Variants in NKAIN3 observed in about 807,000 individuals in gnomAD.
The protein encoded by NKAIN3 is sodium/potassium-transporting ATPase subunit beta-1-interacting protein 3.
A neutral mutation model predicts 30.2 loss-of-function variants in NKAIN3; 25 were observed. The observed-to-expected ratio is 0.83, with a 90% CI of 0.60 to 1.16. The LOEUF (loss-of-function observed/expected upper bound fraction) is 1.16. Ranked by LOEUF, NKAIN3 falls within the 50% of genes most tolerant of loss-of-function variation. The probability of loss-of-function intolerance (pLI) is 0.00; values close to 1 mark genes in which losing one functional copy is unlikely to be tolerated. For missense variants in NKAIN3, 225 were observed against 254.1 expected (o/e 0.89, Z 0.78); for synonymous variants, 91 against 89.6 (o/e 1.02, Z -0.09).
chr8:62,623,260 C>A (rs1811676138), intron 3 of NKAIN3, among the ~76,000 whole-genome samples: 1 of 151,922 alleles, frequency 6.6e-6, no homozygotes. Flanking sequence ...GGTCTTTGAC[C>A]AACCAAGGAA....
At position 62,973,916 on chromosome 8, in the gene NKAIN3, T is replaced by C. The variant is rs1276734924; in HGVS notation, c.*8509T>C. Reference sequence around the variant, plus strand: ...AATTTTCCCAGCACCATTTATTAAATAGGAAATCCTTTCCCCATTGCTTGT... The same window carrying C: ...AATTTTCCCAGCACCATTTATTAAACAGGAAATCCTTTCCCCATTGCTTGT... On this transcript the variant is annotated 3_prime_UTR_variant, in exon 7 of 7. Coordinates refer to ENST00000623646, the MANE Select transcript of NKAIN3 (RefSeq NM_001304533.3). Among the ~76,000 whole-genome samples, 4 of 152,212 alleles carry C rather than the reference T, an allele frequency of 2.6e-5. No homozygotes were observed. Among genetic ancestry groups the C allele is most frequent in the African/African-American group, 9.6e-5 (4 of 41,462 alleles).
intron 5 of NKAIN3, among the ~76,000 whole-genome samples, chr8:62,940,401 C>T (rs1822919324): frequency 6.6e-6 from 1 of 151,966 alleles, no homozygotes; most frequent in South Asian, 2.1e-4. Flanking sequence ...TTAAACTATA[C>T]CCTGGGAACA....
At chr8:62,470,548 C>T (rs1242721075) in intron 1 of NKAIN3, among the ~76,000 whole-genome samples, 1 of 152,032 alleles carries the variant, frequency 6.6e-6, no homozygotes, top group African/African-American at 2.4e-5. Context: ...AGGATTTAGA[C>T]ACTAAATTAA....
At chr8:62,348,917 C>T (rs1246560603) in intron 1 of NKAIN3, among the ~76,000 whole-genome samples, 1 of 152,138 alleles carries the variant, frequency 6.6e-6, no homozygotes, top group African/African-American at 2.4e-5. Flanking sequence ...ATGTCTTGCT[C>T]GTGCCTGACT....
intron 4 of NKAIN3, among the ~76,000 whole-genome samples, chr8:62,824,401 A>G (rs1387478783): frequency 6.6e-6 from 1 of 152,046 alleles, no homozygotes. Flanking sequence ...TACCCAACCT[A>G]CTGGATGCCA....
rs1317560387 is a variant in NKAIN3, at chr8:62,972,551, TA to T, written c.*7145del. 3.9e-5 allele frequency among the ~76,000 whole-genome samples: 6 copies of T among 152,176 alleles called. No individual in the cohort carries two copies. Among genetic ancestry groups the T allele is most frequent in the African/African-American group, 1.4e-4 (6 of 41,456 alleles). On this transcript the variant is annotated 3_prime_UTR_variant, in exon 7 of 7. Transcript: ENST00000623646. The stretch of plus-strand genomic sequence containing the variant: ...CTCTGAATCAAGTTCGTCGTCTATT[TA>T]CGTGCTTCTCAGTTGACATTTGTGA...
chr8:62,856,447 A>C, intron 4 of NKAIN3: 1 of 789,144 alleles, frequency 1.3e-6, no homozygotes, highest in Non-Finnish European at 2.3e-6. Flanking sequence ...ATCTCTATAG[A>C]ATAAGGATAT....
chr8:62,405,748 G>A (rs1804044772), intron 1 of NKAIN3, among the ~76,000 whole-genome samples: 1 of 152,114 alleles, frequency 6.6e-6, no homozygotes, highest in Non-Finnish European at 1.5e-5. Context: ...TTCTTATGAA[G>A]GTGCTTTTTT....
At chr8:62,535,675 T>G (rs189719825) in intron 1 of NKAIN3, among the ~76,000 whole-genome samples, 11 of 152,290 alleles carry the variant, frequency 7.2e-5, no homozygotes, top group Middle Eastern at 3.4e-3. Flanking sequence ...GGAAAGGACA[T>G]GGAGCTTCCA....
intron 3 of NKAIN3, among the ~76,000 whole-genome samples, chr8:62,610,907 G>A (rs999969030): frequency 1.3e-5 from 2 of 151,972 alleles, no homozygotes; most frequent in East Asian, 1.9e-4. Context: ...TAGTTTCATA[G>A]TAGAATCTTA....
chr8:62,386,697 C>T (rs780986252), intron 1 of NKAIN3, among the ~76,000 whole-genome samples: 24 of 152,090 alleles, frequency 1.6e-4, no homozygotes, highest in African/African-American at 2.4e-4. Flanking sequence ...GACATGGTAA[C>T]GCAGCAGGAT....
intron 1 of NKAIN3, among the ~76,000 whole-genome samples, chr8:62,291,643 T>C (rs561274347): frequency 6.6e-6 from 1 of 152,232 alleles, no homozygotes; most frequent in East Asian, 1.9e-4. Context: ...TGCTGAGGAG[T>C]GCTTTACTTC....
intron 1 of NKAIN3, among the ~76,000 whole-genome samples, chr8:62,420,844 T>C (rs1010954420): frequency 6.6e-6 from 1 of 152,230 alleles, no homozygotes; most frequent in African/African-American, 2.4e-5. Flanking sequence ...AATTGTAGTA[T>C]GATTCTTAAC....
At chr8:62,625,655 T>C (rs1434669290) in intron 3 of NKAIN3, among the ~76,000 whole-genome samples, 1 of 152,110 alleles carries the variant, frequency 6.6e-6, no homozygotes, top group Non-Finnish European at 1.5e-5. Context: ...AAATTAACTG[T>C]ATGAATTACA....
intron 1 of NKAIN3, among the ~76,000 whole-genome samples, chr8:62,404,546 G>T (rs1242592862): frequency 6.6e-6 from 1 of 152,086 alleles, no homozygotes; most frequent in Non-Finnish European, 1.5e-5. Flanking sequence ...GCATTTGCTT[G>T]GCTCTCATTC....
chr8:62,626,382 A>T (rs1043097518), intron 3 of NKAIN3, among the ~76,000 whole-genome samples: 15 of 152,248 alleles, frequency 9.9e-5, no homozygotes, highest in Admixed American at 2.0e-4. Context: ...GAATCCAGAG[A>T]TCATTCTTAC....
rs969394277 is a variant in NKAIN3, at chr8:62,965,463, T to C, written c.*56T>C. The C allele has an allele frequency of 1.6e-4, 154 of 985,646 alleles. No individual in the cohort carries two copies. Among genetic ancestry groups the C allele is most frequent in the Non-Finnish European group, 1.6e-4 (133 of 829,918 alleles). The allele number at this position is 985,646 out of a possible 1,614,324, so 61.1% of individuals were successfully genotyped here. On this transcript the variant is annotated 3_prime_UTR_variant, in exon 7 of 7. Transcript: ENST00000623646. ...GTGGATCCGACCCGCCTGACATTCCTTCCAGAGGCTAGACTGTGCTTCCTG... is the reference window on the plus strand; with the variant it reads ...GTGGATCCGACCCGCCTGACATTCCCTCCAGAGGCTAGACTGTGCTTCCTG...
chr8:62,655,884 A>C (rs761945152), intron 3 of NKAIN3, among the ~76,000 whole-genome samples: 5 of 152,174 alleles, frequency 3.3e-5, no homozygotes, highest in Non-Finnish European at 7.4e-5. Flanking sequence ...ATGGTGGATC[A>C]TGAGCAAATA....
intron 4 of NKAIN3, among the ~76,000 whole-genome samples, chr8:62,854,435 C>T (rs751395305): frequency 1.1e-4 from 16 of 152,138 alleles, no homozygotes; most frequent in Non-Finnish European, 2.1e-4. Flanking sequence ...GAATTGAAAC[C>T]TTTGCCATTA....
Sources: gnomAD v4.1 joint callset for allele counts (sites outside exome capture counted in the v4.1 genomes callset) on GRCh38, gnomAD v4.1.1 for gene constraint, MANE v1.5 for transcripts, NCBI Gene and HGNC (gene_info 2026-07-23, HGNC 2026-07-21) for gene names.